Variants in SLC6A5 observed in about 807,000 individuals in gnomAD.
SLC6A5 encodes sodium- and chloride-dependent glycine transporter 2.
A neutral mutation model predicts 90.5 loss-of-function variants in SLC6A5; 58 were observed. That is an observed-to-expected ratio of 0.64 (90% CI 0.52 to 0.80). SLC6A5 has a LOEUF of 0.80. Among genes scored for constraint, SLC6A5 ranks in the 30% least tolerant of loss-of-function variants. The pLI is 0.00. For synonymous variants in SLC6A5, 427 were observed against 401.4 expected (o/e 1.06, Z -0.76); for missense variants, 1,015 against 1,017.6 (o/e 1.00, Z 0.03).
intron 2 of SLC6A5, among the ~76,000 whole-genome samples, chr11:20,602,514 T>C (rs1447312983): frequency 6.6e-6 from 1 of 152,188 alleles, no homozygotes; most frequent in Non-Finnish European, 1.5e-5. Flanking sequence ...CTTTCTTCTG[T>C]CCTTTTTCAT....
chr11:20,618,945 G>GACATACACACAC (rs1183729378), intron 7 of SLC6A5, among the ~76,000 whole-genome samples: 2 of 148,662 alleles, frequency 1.3e-5, no homozygotes. Flanking sequence ...TGTCCCGCCC[G>GACATACACACAC]ACACACACAC....
intron 12 of SLC6A5, among the ~76,000 whole-genome samples, chr11:20,637,651 G>A (rs1853235275): frequency 6.6e-6 from 1 of 152,196 alleles, no homozygotes; most frequent in East Asian, 1.9e-4. Flanking sequence ...GTTCAAGGTT[G>A]CAGTGTGCTC....
At chr11:20,625,965 C>T (rs1249837396) in intron 7 of SLC6A5, among the ~76,000 whole-genome samples, 2 of 152,228 alleles carry the variant, frequency 1.3e-5, no homozygotes, top group Non-Finnish European at 2.9e-5. Flanking sequence ...CATCTTTATG[C>T]AGCTGATGCC....
At chr11:20,607,254 C>A in intron 4 of SLC6A5, 116 bp downstream of exon 4, 1 of 1,402,768 alleles carries the variant, frequency 7.1e-7, no homozygotes, top group African/African-American at 1.4e-5. Flanking sequence ...TAACTCTTTC[C>A]TTCCTTTATT....
intron 12 of SLC6A5, among the ~76,000 whole-genome samples, chr11:20,637,530 T>C (rs553625132): frequency 1.4e-3 from 213 of 152,288 alleles, no homozygotes; most frequent in African/African-American, 4.9e-3. Context: ...TGTAGCCTTA[T>C]TGAGCCAACA....
chr11:20,620,796 A>G lies in SLC6A5; in HGVS notation c.1260+2912A>G, dbSNP rs562764774. Among the ~76,000 whole-genome samples, 8 of 151,830 alleles carry G rather than the reference A, an allele frequency of 5.3e-5. 2 individuals carry two copies. The highest frequency in any genetic ancestry group is 1.9e-4 in the African/African-American group (8 of 41,470). On this transcript the variant is annotated intron_variant, in intron 7 of 15. Coordinates refer to ENST00000525748, the MANE Select transcript of SLC6A5 (RefSeq NM_004211.5). ...CCTAGACTTTTTTATTTTTATTTAT[A>G]TTTATTTTTTATTTTTTTATTGAGA...
intron 14 of SLC6A5, among the ~76,000 whole-genome samples, chr11:20,647,368 CTATATATTCCTATTAT>C (rs1853438064): frequency 7.7e-6 from 1 of 129,092 alleles, no homozygotes; most frequent in African/African-American, 2.7e-5. Context: ...ATATATATAA[CTATATATTCCTATTAT>C]ATAGTTATAT....
chr11:20,653,206 A>G (rs1853574522), intron 15 of SLC6A5, among the ~76,000 whole-genome samples: 1 of 152,160 alleles, frequency 6.6e-6, no homozygotes, highest in African/African-American at 2.4e-5. Flanking sequence ...GGATCCAGGA[A>G]TCTGGCATTT....
At chr11:20,648,578 AC>A (rs1853466560) in intron 14 of SLC6A5, among the ~76,000 whole-genome samples, 1 of 152,184 alleles carries the variant, frequency 6.6e-6, no homozygotes, top group South Asian at 2.1e-4. Context: ...ACTTGAATTT[AC>A]CTAATCGGTG....
At chr11:20,630,352 C>T (rs970788227) in intron 9 of SLC6A5, among the ~76,000 whole-genome samples, 3 of 152,182 alleles carry the variant, frequency 2.0e-5, no homozygotes, top group Non-Finnish European at 4.4e-5. Flanking sequence ...CTAAAGCCTC[C>T]ACCTCTTAAT....
chr11:20,602,742 G>T (rs1425367911), intron 2 of SLC6A5, among the ~76,000 whole-genome samples: 1 of 152,188 alleles, frequency 6.6e-6, no homozygotes, highest in Admixed American at 6.5e-5. Flanking sequence ...GGCCCACATA[G>T]CAGGAGCTTG....
intron 13 of SLC6A5, among the ~76,000 whole-genome samples, chr11:20,644,369 G>C (rs573613006): frequency 3.3e-5 from 5 of 151,902 alleles, no homozygotes; most frequent in Admixed American, 6.6e-5. Context: ...ATTTTACTTC[G>C]CATAATGTCC....
At chr11:20,625,566 A>T (rs906780336) in intron 7 of SLC6A5, among the ~76,000 whole-genome samples, 9 of 152,206 alleles carry the variant, frequency 5.9e-5, no homozygotes, top group Admixed American at 5.9e-4. Context: ...CCGGCCTCCC[A>T]AATGTTTCTT....
intron 5 of SLC6A5, among the ~76,000 whole-genome samples, chr11:20,608,906 CTCTG>C (rs1184437340): frequency 1.8e-5 from 2 of 109,770 alleles, no homozygotes; most frequent in Non-Finnish European, 3.9e-5. Flanking sequence ...TAGTCTCTCT[CTCTG>C]TCTGTCTGTC....
rs1853221812 is a variant in SLC6A5, at chr11:20,637,077, A to G, written c.1738-95A>G. Reference sequence around the variant, plus strand: ...ATCCTAAAAACCAAACCTAACACAAATACAACTTTCCTGGATGGGACATAC... The same window carrying G: ...ATCCTAAAAACCAAACCTAACACAAGTACAACTTTCCTGGATGGGACATAC... On this transcript the variant is annotated intron_variant, in intron 11 of 15. Transcript: ENST00000525748. The G allele has an allele frequency of 2.2e-6, 3 of 1,354,774 alleles. No individual in the cohort carries two copies. The South Asian group carries it at 3.6e-5, about 16-fold the overall frequency. 83.9% of individuals were successfully genotyped at this position (1,354,774 alleles called of 1,614,324 possible).
At chr11:20,638,436 T>G in intron 12 of SLC6A5, 23 bp from the exon 13 acceptor site, 1 of 1,444,108 alleles carries the variant, frequency 6.9e-7, no homozygotes, top group Admixed American at 1.7e-5. Context: ...CATTTGATAT[T>G]GGTTGTTTCT....
rs1420866115 is a variant in SLC6A5, at chr11:20,640,424, G to T, written c.1969+1866G>T. 2.0e-5 allele frequency among the ~76,000 whole-genome samples: 3 copies of T among 152,120 alleles called. No homozygotes were observed. The East Asian group carries it at 5.8e-4, about 29-fold the overall frequency. On this transcript the variant is annotated intron_variant, in intron 13 of 15. Coordinates refer to ENST00000525748, the MANE Select transcript of SLC6A5 (RefSeq NM_004211.5). ...CATCCCCATACAAATCTAGTCATAGGTTTCTTAGTTCTGAAGGAAAAAATA... is the reference window on the plus strand; with the variant it reads ...CATCCCCATACAAATCTAGTCATAGTTTTCTTAGTTCTGAAGGAAAAAATA...
intron 7 of SLC6A5, among the ~76,000 whole-genome samples, chr11:20,618,448 T>A (rs1208156846): frequency 6.6e-6 from 1 of 152,164 alleles, no homozygotes. Context: ...GTCCTGCCCA[T>A]GGAATTTTGG....
At chr11:20,606,966 T>A (rs1173945058) in intron 3 of SLC6A5, 41 bp from the exon 4 acceptor site, 2 of 1,613,506 alleles carry the variant, frequency 1.2e-6, no homozygotes, top group Non-Finnish European at 1.7e-6. Flanking sequence ...AGCAGCCTGC[T>A]TTTGCCTCCT....
Sources: gnomAD v4.1 joint callset for allele counts (sites outside exome capture counted in the v4.1 genomes callset) on GRCh38, gnomAD v4.1.1 for gene constraint, MANE v1.5 for transcripts, NCBI Gene and HGNC (gene_info 2026-07-23, HGNC 2026-07-21) for gene names.